KAZN: variants seen among roughly 807,000 people sequenced by gnomAD.
The protein encoded by KAZN is kazrin, periplakin interacting protein, also known as kazrin.
Under a neutral mutation model 87.4 loss-of-function variants are expected in KAZN, and 40 were observed. That is an observed-to-expected ratio of 0.46 (90% CI 0.36 to 0.60). KAZN has a LOEUF of 0.60. Among genes scored for constraint, KAZN ranks in the 20% least tolerant of loss-of-function variants. KAZN has a pLI of 0.00. For synonymous variants in KAZN, 466 were observed against 458.3 expected, an observed-to-expected ratio of 1.02 and a Z score of -0.22; for missense variants, 898 against 1,073.9, an observed-to-expected ratio of 0.84 and a Z score of 2.29.
In KAZN at chr1:14,928,448, C is replaced by CA. The variant is rs1436568849; in HGVS notation, c.227-32226dup. 6.7e-3 allele frequency among the ~76,000 whole-genome samples: 743 copies of CA among 110,422 alleles called. 1 individual carries two copies. Among genetic ancestry groups the CA allele is most frequent in the African/African-American group, 6.8e-3 (175 of 25,670 alleles). The allele number at this position is 110,422 out of a possible 152,430, so 72.4% of individuals were successfully genotyped here. ...TGGGCGACAGAGCGAGACTCAGTCT[C>CA]AAAAAAAAAACAAAAAAAAAGAAAG... On this transcript the variant is annotated intron_variant, in intron 1 of 14. Coordinates refer to ENST00000376030, the MANE Select transcript of KAZN (RefSeq NM_201628.3).
intron 1 of KAZN, among the ~76,000 whole-genome samples, chr1:14,683,072 T>C (rs186691480): frequency 2.8e-4 from 43 of 152,306 alleles, no homozygotes; most frequent in Admixed American, 2.6e-3. Context: ...CTATCAGATA[T>C]GAGAGGAGGC....
At chr1:14,425,766 A>G (rs527548003) in intron 2 of KAZN, among the ~76,000 whole-genome samples, 1 of 152,138 alleles carries the variant, frequency 6.6e-6, no homozygotes, top group Non-Finnish European at 1.5e-5. Context: ...TGAGGGGGAC[A>G]TTATTTGTCC....
At chr1:14,458,923 A>G (rs984666930) in intron 2 of KAZN, among the ~76,000 whole-genome samples, 2 of 152,110 alleles carry the variant, frequency 1.3e-5, no homozygotes, top group African/African-American at 2.4e-5. Flanking sequence ...TTAAAATTGG[A>G]CTCAGTCTTT....
chr1:14,718,060 G>A (rs1312688496), intron 1 of KAZN, among the ~76,000 whole-genome samples: 2 of 152,188 alleles, frequency 1.3e-5, no homozygotes, highest in Non-Finnish European at 2.9e-5. Context: ...AAAGACCGCC[G>A]GCATTGGCTG....
At chr1:14,719,043 G>C (rs1642955993) in intron 1 of KAZN, among the ~76,000 whole-genome samples, 1 of 152,124 alleles carries the variant, frequency 6.6e-6, no homozygotes, top group Non-Finnish European at 1.5e-5. Flanking sequence ...GCGGGAACCT[G>C]GTGTGGCTCC....
At chr1:14,570,821 G>T (rs1455559331) in intron 2 of KAZN, among the ~76,000 whole-genome samples, 1 of 152,086 alleles carries the variant, frequency 6.6e-6, no homozygotes. Flanking sequence ...TTGCAAAGTG[G>T]CTGTAGCATC....
intron 1 of KAZN, among the ~76,000 whole-genome samples, chr1:14,010,802 T>TG (rs1557780224): frequency 6.6e-6 from 1 of 152,310 alleles, no homozygotes; most frequent in South Asian, 2.1e-4. Context: ...GACAGCTTCA[T>TG]GGGGGAAAAC....
chr1:14,617,755 A>G (rs1678367986), intron 1 of KAZN, among the ~76,000 whole-genome samples: 1 of 152,200 alleles, frequency 6.6e-6, no homozygotes, highest in Admixed American at 6.5e-5. Context: ...GGGAGTGACA[A>G]CACGACCATT....
chr1:15,082,165 G>GC (rs377187257), intron 8 of KAZN, among the ~76,000 whole-genome samples: 71 of 150,476 alleles, frequency 4.7e-4, no homozygotes, highest in African/African-American at 1.5e-3. Context: ...CAAGTGCTCA[G>GC]CCCCCCTATC....
At chr1:14,055,712 A>C (rs1642522753) in intron 1 of KAZN, among the ~76,000 whole-genome samples, 1 of 152,132 alleles carries the variant, frequency 6.6e-6, no homozygotes, top group African/African-American at 2.4e-5. Context: ...TTCCTCTGCC[A>C]AGAACAGATG....
intron 1 of KAZN, among the ~76,000 whole-genome samples, chr1:14,135,741 T>G (rs532354751): frequency 1.3e-5 from 2 of 152,210 alleles, no homozygotes; most frequent in South Asian, 4.2e-4. Context: ...TTGAAGAGAG[T>G]GTTGCTTTTG....
At chr1:14,616,780 A>G (rs1459352853) in intron 1 of KAZN, among the ~76,000 whole-genome samples, 1 of 152,156 alleles carries the variant, frequency 6.6e-6, no homozygotes, top group Non-Finnish European at 1.5e-5. Context: ...GAACCAGGAC[A>G]TTTCAATGCA....
intron 2 of KAZN, among the ~76,000 whole-genome samples, chr1:14,962,073 G>A (rs997407036): frequency 4.6e-5 from 7 of 152,242 alleles, no homozygotes; most frequent in Admixed American, 4.6e-4. Flanking sequence ...CTCTAACAGG[G>A]TAAAAGAGAG....
intron 1 of KAZN, among the ~76,000 whole-genome samples, chr1:14,803,821 G>A (rs1197063099): frequency 6.6e-6 from 1 of 152,232 alleles, no homozygotes; most frequent in African/African-American, 2.4e-5. Flanking sequence ...TGGTCAGCAG[G>A]CAGGAGCCTT....
chr1:14,732,689 A>C (rs996777577), intron 1 of KAZN, among the ~76,000 whole-genome samples: 1 of 152,108 alleles, frequency 6.6e-6, no homozygotes, highest in Non-Finnish European at 1.5e-5. Flanking sequence ...CTTTCAACAT[A>C]TATGTATTAT....
chr1:14,991,450 T>C (rs533767953), intron 2 of KAZN, among the ~76,000 whole-genome samples: 16 of 152,304 alleles, frequency 1.1e-4, no homozygotes, highest in African/African-American at 3.6e-4. Context: ...TACAGGACTT[T>C]GTCACAGTGG....
intron 1 of KAZN, among the ~76,000 whole-genome samples, chr1:14,052,950 C>T (rs558759601): frequency 3.9e-5 from 6 of 152,236 alleles, no homozygotes; most frequent in East Asian, 3.9e-4. Context: ...TAGGATGACC[C>T]GCAGGAGGTT....
At chr1:14,728,046 G>A (rs1233037244) in intron 1 of KAZN, among the ~76,000 whole-genome samples, 1 of 151,810 alleles carries the variant, frequency 6.6e-6, no homozygotes, top group East Asian at 2.0e-4. Flanking sequence ...AGCACTTTGG[G>A]AGGCCGAGAC....
chr1:13,932,385 C>G (rs1307027357), intron 1 of KAZN, among the ~76,000 whole-genome samples: 1 of 149,968 alleles, frequency 6.7e-6, no homozygotes, highest in Non-Finnish European at 1.5e-5. Context: ...CTCAGCCTCC[C>G]GAGTAGCTGG....
Sources: gnomAD v4.1 joint callset for allele counts (sites outside exome capture counted in the v4.1 genomes callset) on GRCh38, gnomAD v4.1.1 for gene constraint, MANE v1.5 for transcripts, NCBI Gene and HGNC (gene_info 2026-07-23, HGNC 2026-07-21) for gene names.